The following PPM1G variants were observed in gnomAD, a reference collection of about 807,000 sequenced individuals.
PPM1G encodes the protein protein phosphatase 1G.
A neutral mutation model predicts 59.4 loss-of-function variants in PPM1G; 12 were observed. The observed-to-expected ratio is 0.20, with a 90% CI of 0.13 to 0.33. The LOEUF (loss-of-function observed/expected upper bound fraction) is 0.33. Ranked by LOEUF, PPM1G falls within the 10% of genes least tolerant of loss-of-function variation. PPM1G has a pLI of 1.00. For synonymous variants in PPM1G, 245 were observed against 251.9 expected (o/e 0.97, Z 0.26); for missense variants, 392 against 681.3 (o/e 0.58, Z 4.73).
intron 1 of PPM1G, among the ~76,000 whole-genome samples, chr2:27,389,439 CTATAT>C (rs1683845634): frequency 6.6e-6 from 1 of 152,104 alleles, no homozygotes. Flanking sequence ...GGCTTGGGAT[CTATAT>C]TATGATTTGG....
chr2:27,382,531 C>T lies in PPM1G; in HGVS notation c.1276G>A (p.Val426Met). The T allele has an allele frequency of 6.2e-7, 1 of 1,614,218 alleles. No homozygotes were observed. Among genetic ancestry groups the T allele is most frequent in the South Asian group, 1.1e-5 (1 of 91,088 alleles). ...TCATGGTCGTCAGTGAGAGTCAGCA[C>T]CTTGATGTCAGGAAGGGCTGAAATC... ...QMISALPDIK[V>M]LTLTDDHEFM... Residue 426 changes from valine to methionine, a missense_variant, in exon 8 of 10, where the codon GTG becomes ATG. By Grantham distance (21) the Val-to-Met change is conservative. Around this residue, in one of 6 missense-constraint regions of PPM1G, gnomAD observed 53 missense variants for 175.4 expected, o/e 0.30. Coordinates refer to ENST00000344034, the MANE Select transcript of PPM1G (RefSeq NM_177983.3). The surrounding 1 kb of genome is among the most constrained non-coding windows in gnomAD (Gnocchi z 4.2).
Position 27,381,392 on chromosome 2 carries a change from G to T in PPM1G, c.*207C>A, listed in dbSNP as rs1683620798. On this transcript the variant is annotated 3_prime_UTR_variant, in exon 10 of 10. Transcript: ENST00000344034. ...CAGGCACAGAACCGGTGATGAGCCC[G>T]AGGAGCAGAGGCGGCTGGGAAGGAC... 5 of 599,828 alleles carry T rather than the reference G, an allele frequency of 8.3e-6. No homozygotes were observed. Among genetic ancestry groups the T allele is most frequent in the Non-Finnish European group, 1.5e-5 (5 of 336,736 alleles). 37.2% of individuals were successfully genotyped at this position (599,828 alleles called of 1,614,324 possible).
chr2:27,394,920 C>T (rs545559812), intron 1 of PPM1G, among the ~76,000 whole-genome samples: 3 of 151,866 alleles, frequency 2.0e-5, no homozygotes, highest in Admixed American at 2.0e-4. Context: ...AGAATAGGAA[C>T]TATTAAAAAT....
At chr2:27,390,097 T>G (rs1175977805) in intron 1 of PPM1G, among the ~76,000 whole-genome samples, 2 of 151,854 alleles carry the variant, frequency 1.3e-5, no homozygotes, top group African/African-American at 4.8e-5. Flanking sequence ...GCTCACCATA[T>G]CCTCCACTTT....
At position 27,383,731 on chromosome 2, in the gene PPM1G, A is replaced by T; in HGVS notation, c.967-131T>A. ...GAGCTTTAACAAACAGGAGAAGCAC[A>T]CATTTCATCTTTCTAGAGACAGCAG... On this transcript the variant is annotated intron_variant, in intron 6 of 9. Coordinates refer to ENST00000344034, the MANE Select transcript of PPM1G (RefSeq NM_177983.3). This position sits in a 1 kb window ranked among gnomAD's most constrained non-coding sequence, Gnocchi z 5.0. The T allele has an allele frequency of 8.7e-7, 1 of 1,146,408 alleles. No individual in the cohort carries two copies. The highest frequency in any genetic ancestry group is 1.2e-6 in the Non-Finnish European group (1 of 816,672). The allele number at this position is 1,146,408 out of a possible 1,614,324, so 71.0% of individuals were successfully genotyped here.
chr2:27,382,081 G>A lies in PPM1G; in HGVS notation c.1434+45C>T. 6.4e-7 allele frequency: 1 copy of A among 1,555,494 alleles called. No individual in the cohort carries two copies. The stretch of plus-strand genomic sequence containing the variant: ...AGCTCAGATTAAAAGAGTGAACCCT[G>A]GCTGTGCAGACCAGACACCCTCTCT... On this transcript the variant is annotated intron_variant, in intron 9 of 9. Transcript: ENST00000344034. This position sits in a 1 kb window ranked among gnomAD's most constrained non-coding sequence, Gnocchi z 4.2.
In PPM1G at chr2:27,382,274, A is replaced by C; in HGVS notation, c.1332-46T>G. On this transcript the variant is annotated intron_variant, in intron 8 of 9. Transcript: ENST00000344034. This position sits in a 1 kb window ranked among gnomAD's most constrained non-coding sequence, Gnocchi z 4.2. ...CAGAATCTTCCAGTCTCACTAAGGC[A>C]GCGTAGAGGAGTATGGACAGAGGTG... is the stretch of plus-strand genomic sequence containing the variant. 2 of 1,591,044 alleles carry C rather than the reference A, an allele frequency of 1.3e-6. No individual in the cohort carries two copies. Among genetic ancestry groups the C allele is most frequent in the Non-Finnish European group, 1.7e-6 (2 of 1,159,244 alleles).
At chr2:27,393,963 C>T (rs1683982777) in intron 1 of PPM1G, among the ~76,000 whole-genome samples, 1 of 152,100 alleles carries the variant, frequency 6.6e-6, no homozygotes, top group African/African-American at 2.4e-5. Flanking sequence ...GGGGTTTCAC[C>T]GTGTTAGCCA....
At chr2:27,394,054 G>A (rs71441073) in intron 1 of PPM1G, among the ~76,000 whole-genome samples, 2 of 149,948 alleles carry the variant, frequency 1.3e-5, no homozygotes, top group Non-Finnish European at 3.0e-5. Flanking sequence ...GAGCCACCGC[G>A]CCCGGCCTAA....
At chr2:27,396,918 G>A (rs543286095) in intron 1 of PPM1G, among the ~76,000 whole-genome samples, 32 of 152,080 alleles carry the variant, frequency 2.1e-4, no homozygotes, top group Middle Eastern at 3.4e-3. Flanking sequence ...TGCCCAGGCT[G>A]GAGTACAATG....
At chr2:27,391,619 G>T (rs891677124) in intron 1 of PPM1G, among the ~76,000 whole-genome samples, 2 of 151,910 alleles carry the variant, frequency 1.3e-5, no homozygotes, top group African/African-American at 4.8e-5. Context: ...TCTATAGGTT[G>T]TTTACCCCCT....
rs577814357 is a variant in PPM1G at position 27,384,468 on chromosome 2, A to G, written c.825+205T>C. Among the ~76,000 whole-genome samples, 2 of 152,356 alleles carry G rather than the reference A, an allele frequency of 1.3e-5. No homozygotes were observed. Among genetic ancestry groups the G allele is most frequent in the South Asian group, 2.1e-4 (1 of 4,830 alleles). The stretch of plus-strand genomic sequence containing the variant: ...AAAGCCAGAACTAGATCTGCTTGTT[A>G]TAGTACCAACAAAGGAAGAGGTAAA... On this transcript the variant is annotated intron_variant, in intron 5 of 9. Transcript: ENST00000344034. This position sits in a 1 kb window ranked among gnomAD's most constrained non-coding sequence, Gnocchi z 4.8.
At chr2:27,388,270 G>T (rs1339065478) in intron 1 of PPM1G, among the ~76,000 whole-genome samples, 1 of 151,684 alleles carries the variant, frequency 6.6e-6, no homozygotes, top group African/African-American at 2.4e-5. Flanking sequence ...TTAGCCAGGC[G>T]TGGTGGTGTG....
intron 2 of PPM1G, 158 bp from the exon 3 acceptor site, chr2:27,386,437 T>G (rs2148419129): frequency 2.0e-6 from 1 of 499,176 alleles, no homozygotes; most frequent in Non-Finnish European, 3.6e-6. Context: ...TTGGGGAAGT[T>G]CTGATCCAAA....
At chr2:27,407,618 G>A (rs1425277928) in intron 1 of PPM1G, among the ~76,000 whole-genome samples, 1 of 152,172 alleles carries the variant, frequency 6.6e-6, no homozygotes, top group Non-Finnish European at 1.5e-5. Context: ...ACTGTGTATG[G>A]TGGTGAAATA....
At chr2:27,394,945 T>G (rs990914149) in intron 1 of PPM1G, among the ~76,000 whole-genome samples, 4 of 151,276 alleles carry the variant, frequency 2.6e-5, no homozygotes, top group Non-Finnish European at 5.9e-5. Flanking sequence ...ATAATAAAAA[T>G]AAAACCAGGC....
intron 1 of PPM1G, among the ~76,000 whole-genome samples, chr2:27,406,043 G>C (rs932460429): frequency 6.6e-6 from 1 of 151,984 alleles, no homozygotes; most frequent in African/African-American, 2.4e-5. Flanking sequence ...ACAACACCCT[G>C]GTCACACAGG....
chr2:27,381,514 T>A lies in PPM1G; in HGVS notation c.*85A>T. ...CCCCTGCACACCTCATACCCACTGC[T>A]AAGGCTAAAGGAAAAAGACAAAACT... On this transcript the variant is annotated 3_prime_UTR_variant, in exon 10 of 10. Coordinates refer to ENST00000344034, the MANE Select transcript of PPM1G (RefSeq NM_177983.3). The A allele has an allele frequency of 6.5e-7, 1 of 1,532,984 alleles. No individual in the cohort carries two copies. The highest frequency in any genetic ancestry group is 9.0e-7 in the Non-Finnish European group (1 of 1,110,268). The allele number at this position is 1,532,984 out of a possible 1,614,324, so 95.0% of individuals were successfully genotyped here. A position where few individuals can be genotyped will look rare whatever the true frequency, so the allele number is the denominator to read the frequency against.
At chr2:27,400,931 A>C (rs971002478) in intron 1 of PPM1G, among the ~76,000 whole-genome samples, 1 of 152,224 alleles carries the variant, frequency 6.6e-6, no homozygotes, top group African/African-American at 2.4e-5. Context: ...GTCCAGCAGT[A>C]TGAGGTCAAG....
Sources: allele counts gnomAD v4.1 joint callset (sites outside exome capture counted in the v4.1 genomes callset), GRCh38; gene constraint gnomAD v4.1.1; regional missense constraint gnomAD v4.1.1; non-coding constraint Gnocchi (gnomAD v3.1); transcripts MANE v1.5; gene names NCBI Gene and HGNC (gene_info 2026-07-23, HGNC 2026-07-21).